The following PKD1L1 variants were observed in gnomAD, a reference collection of about 807,000 sequenced individuals.
PKD1L1 encodes polycystin 1 like 1, transient receptor potential channel interacting, also known as polycystin-1-like protein 1.
In PKD1L1, 236 loss-of-function variants were observed where a neutral mutation model predicts 323.4. The ratio of observed to expected loss-of-function variants is 0.73; its 90% confidence interval spans 0.66 to 0.81. The LOEUF (loss-of-function observed/expected upper bound fraction) is 0.81. PKD1L1 is among the 40% of genes least tolerant of loss of function. PKD1L1 has a pLI of 0.00. For synonymous variants in PKD1L1, 1,344 were observed against 1,335.0 expected (o/e 1.01, Z -0.15); for missense variants, 3,320 against 3,508.0 (o/e 0.95, Z 1.35).
Position 47,888,105 on chromosome 7 carries a change from G to C in PKD1L1, c.2721C>G (p.Asn907Lys), listed in dbSNP as rs374344732. The C allele has an allele frequency of 5.2e-5, 84 of 1,613,866 alleles. No individual in the cohort carries two copies. The highest frequency in any genetic ancestry group is 1.5e-5 in the Non-Finnish European group (18 of 1,179,850). ...SWVSFKDTFVNWNDELSLQAM... is the reference protein window; with the variant it reads ...SWVSFKDTFVKWNDELSLQAM... Reference sequence around the variant, plus strand: ...CTTGAAGAGAGAGTTCGTCATTCCAGTTGACGAAGGTGTCTTTAAAGCTGA... The same window carrying C: ...CTTGAAGAGAGAGTTCGTCATTCCACTTGACGAAGGTGTCTTTAAAGCTGA... Residue 907 changes from asparagine to lysine, a missense_variant, in exon 17 of 57, where the codon AAC becomes AAG. Physicochemically the swap from Asn to Lys is moderately conservative, Grantham distance 94. Transcript: ENST00000289672.
chr7:47,824,672 C>T (rs889186052), intron 45 of PKD1L1, among the ~76,000 whole-genome samples: 6 of 152,146 alleles, frequency 3.9e-5, no homozygotes, highest in South Asian at 2.1e-4. Flanking sequence ...TCTACAGGCA[C>T]GCATATTCTT....
At position 47,803,331 on chromosome 7, in the gene PKD1L1, A is replaced by T; in HGVS notation, c.7841T>A (p.Leu2614His). Residue 2614 changes from leucine (L) to histidine (H), a missense_variant, in exon 53 of 57, where the codon CTC becomes CAC. Coordinates refer to ENST00000289672, the MANE Select transcript of PKD1L1 (RefSeq NM_138295.5). ...MASWNQRARWLRGILLFLFTL... is the reference protein window; with the variant it reads ...MASWNQRARWHRGILLFLFTL... ...GAAGAGGAATAAGAGGATTCCCCGG[A>T]GCCATCGAGCCCTCTGAGACAGAAG... 1 of 1,613,916 alleles carries T rather than the reference A, an allele frequency of 6.2e-7. No homozygotes were observed. Among genetic ancestry groups the T allele is most frequent in the South Asian group, 1.1e-5 (1 of 91,062 alleles).
rs547907112 is a variant in PKD1L1, at chr7:47,790,476, G to A, written c.8526+2151C>T. 2.6e-3 allele frequency among the ~76,000 whole-genome samples: 390 copies of A among 151,420 alleles called. 3 individuals carry two copies. The highest frequency in any genetic ancestry group is 8.5e-3 in the African/African-American group (352 of 41,276). On this transcript the variant is annotated intron_variant, in intron 56 of 56. Coordinates refer to ENST00000289672, the MANE Select transcript of PKD1L1 (RefSeq NM_138295.5). ...CTCCCGAGTAGCTGGGACTACAGGC[G>A]CCCGCCACCATACTCGGCTAATTTT...
At chr7:47,808,213 C>G (rs141060162) in intron 52 of PKD1L1, 34 bp downstream of exon 52, 1 of 1,611,246 alleles carries the variant, frequency 6.2e-7, no homozygotes, top group Non-Finnish European at 8.5e-7. Context: ...CAGTGCATGG[C>G]CTCTATCTGC....
chr7:47,839,654 G>T lies in PKD1L1; in HGVS notation c.5561C>A (p.Ala1854Asp). Residue 1854 changes from alanine (A) to aspartate (D), a missense_variant, in exon 36 of 57, where the codon GCC becomes GAC. By Grantham distance (126) the Ala-to-Asp change is moderately radical (BLOSUM62 -2). Coordinates refer to ENST00000289672, the MANE Select transcript of PKD1L1 (RefSeq NM_138295.5). This position sits in a 1 kb window ranked among gnomAD's most constrained non-coding sequence, Gnocchi z 4.3. ...GATCTTCCTCAGCAGGCCCAGTTGG[G>T]CAGGAGCGCTGGAGGCACACACAGC... The part of the protein sequence containing the change: ...SRHTFILSAP[A>D]QLGLLRKIRL... 1 of 1,566,652 alleles carries T rather than the reference G, an allele frequency of 6.4e-7. No homozygotes were observed. Among genetic ancestry groups the T allele is most frequent in the East Asian group, 2.4e-5 (1 of 42,410 alleles).
chr7:47,787,229 T>C (rs186865243), intron 56 of PKD1L1, among the ~76,000 whole-genome samples: 14 of 152,148 alleles, frequency 9.2e-5, no homozygotes, highest in Non-Finnish European at 2.9e-5. Flanking sequence ...GCTAAACTCA[T>C]GTTGCAGAAA....
intron 7 of PKD1L1, among the ~76,000 whole-genome samples, chr7:47,927,556 A>T (rs984570708): frequency 1.3e-5 from 2 of 152,180 alleles, no homozygotes. Context: ...GAGCCACCAC[A>T]TCCAGCCGAC....
intron 10 of PKD1L1, 104 bp from the exon 11 acceptor site, chr7:47,905,429 A>G (rs993967482): frequency 7.9e-7 from 1 of 1,271,570 alleles, no homozygotes. Context: ...GGCTTGAGTG[A>G]TGGTGAGGAA....
At chr7:47,786,639 A>C (rs1323003972) in intron 56 of PKD1L1, among the ~76,000 whole-genome samples, 2 of 152,270 alleles carry the variant, frequency 1.3e-5, no homozygotes, top group African/African-American at 4.8e-5. Context: ...AATGGTATTC[A>C]CAAAAGCAAA....
At chr7:47,940,863 G>T (rs543384451) in intron 2 of PKD1L1, among the ~76,000 whole-genome samples, 3 of 152,296 alleles carry the variant, frequency 2.0e-5, no homozygotes, top group South Asian at 2.1e-4. Flanking sequence ...GTGTCCACCC[G>T]GCTGGGAGGC....
At chr7:47,816,076 G>T (rs960562052) in intron 46 of PKD1L1, among the ~76,000 whole-genome samples, 1 of 152,128 alleles carries the variant, frequency 6.6e-6, no homozygotes, top group Non-Finnish European at 1.5e-5. Context: ...CAGAGGGAGC[G>T]CCGGGGCTAG....
chr7:47,881,601 C>T (rs1786554642), intron 20 of PKD1L1, among the ~76,000 whole-genome samples: 1 of 152,162 alleles, frequency 6.6e-6, no homozygotes, highest in South Asian at 2.1e-4. Flanking sequence ...CCTGACCACC[C>T]TACAAAAGGC....
chr7:47,895,479 G>A (rs115982654), intron 14 of PKD1L1, among the ~76,000 whole-genome samples: 2,547 of 152,212 alleles, frequency 0.017, 77 homozygotes, highest in African/African-American at 0.057. Context: ...CTCTGGCTAA[G>A]AAATTGAAAG....
At chr7:47,954,098 T>C in the PKD1L1 span, among the ~76,000 whole-genome samples, 3 of 152,210 alleles carry the variant, frequency 2.0e-5, no homozygotes, top group Non-Finnish European at 4.4e-5. Context: ...CAGGGCTGTC[T>C]GGTCACAAGG....
chr7:47,832,783 T>C (rs1282582999), intron 41 of PKD1L1, among the ~76,000 whole-genome samples: 2 of 152,380 alleles, frequency 1.3e-5, no homozygotes, highest in East Asian at 3.9e-4. Context: ...GGACTATCGT[T>C]CACTGTCATT....
At chr7:47,817,902 A>C in intron 46 of PKD1L1, 1 of 694,696 alleles carries the variant, frequency 1.4e-6, no homozygotes, top group Non-Finnish European at 2.1e-6. Context: ...GTATGAGTAA[A>C]AGTCTAGTGA....
chr7:47,911,418 C>T (rs897801422), intron 8 of PKD1L1, among the ~76,000 whole-genome samples: 6 of 152,160 alleles, frequency 3.9e-5, no homozygotes, highest in African/African-American at 1.4e-4. Flanking sequence ...TGAAGTATTT[C>T]TTTATAGCAA....
Position 47,929,870 on chromosome 7 carries a change from A to C in PKD1L1, c.738-344T>G, listed in dbSNP as rs1787731355. Among the ~76,000 whole-genome samples, 5 of 152,236 alleles carry C rather than the reference A, an allele frequency of 3.3e-5. No individual in the cohort carries two copies. In the South Asian group the frequency reaches 1.0e-3, roughly 31 times the overall value. On this transcript the variant is annotated intron_variant, in intron 6 of 56. Transcript: ENST00000289672. ...AACAGTAAAAGGTAGAGTTTCTCTC[A>C]TCACTGATTTAATAGACACGAAAGA...
intron 56 of PKD1L1, among the ~76,000 whole-genome samples, chr7:47,788,261 TTC>T (rs1286190080): frequency 2.6e-5 from 4 of 151,346 alleles, no homozygotes; most frequent in Non-Finnish European, 5.9e-5. Flanking sequence ...TATTAATATA[TTC>T]TTTTTTTATT....
Sources: allele counts gnomAD v4.1 joint callset (sites outside exome capture counted in the v4.1 genomes callset), GRCh38; gene constraint gnomAD v4.1.1; non-coding constraint Gnocchi (gnomAD v3.1); transcripts MANE v1.5; gene names NCBI Gene and HGNC (gene_info 2026-07-23, HGNC 2026-07-21).